Variants in PCDHGA9 observed in about 807,000 individuals in gnomAD.
The protein encoded by PCDHGA9 is protocadherin gamma-A9.
PCDHGA9 carries 37 observed loss-of-function variants against 62.5 expected under a neutral mutation model. The ratio of observed to expected loss-of-function variants is 0.59; its 90% CI spans 0.46 to 0.78. The LOEUF (loss-of-function observed/expected upper bound fraction) is 0.78. Ranked by LOEUF, PCDHGA9 falls within the 30% of genes least tolerant of loss-of-function variation. The probability of loss-of-function intolerance (pLI) is 0.00; values close to 1 mark genes in which losing one functional copy is unlikely to be tolerated. For synonymous variants in PCDHGA9, 459 were observed against 484.6 expected, an observed-to-expected ratio of 0.95 and a Z score of 0.69; for missense variants, 1,138 against 1,166.2, an observed-to-expected ratio of 0.98 and a Z score of 0.35.
rs2099727742 is a variant in PCDHGA9 at position 141,491,740 on chromosome 5, G to C, written c.2425-3067G>C. On this transcript the variant is annotated intron_variant, in intron 1 of 3. Coordinates refer to ENST00000573521, the MANE Select transcript of PCDHGA9 (RefSeq NM_018921.3). The surrounding 1 kb of genome is among the most constrained non-coding windows in gnomAD (Gnocchi z 6.9). Reference sequence around the variant, plus strand: ...GCCGCCCCGGGCGACCCCTGGGGGCGGCACTGGAGAAGCCGCCCGTCCTCA... The same window carrying C: ...GCCGCCCCGGGCGACCCCTGGGGGCCGCACTGGAGAAGCCGCCCGTCCTCA... The C allele has an allele frequency of 6.3e-7, 1 of 1,597,622 alleles. No homozygotes were observed. The highest frequency in any genetic ancestry group is 8.5e-7 in the Non-Finnish European group (1 of 1,173,228).
chr5:141,508,799 C>T (rs962590711), intron 3 of PCDHGA9, among the ~76,000 whole-genome samples: 1 of 152,110 alleles, frequency 6.6e-6, no homozygotes, highest in Non-Finnish European at 1.5e-5. Context: ...ACTCTGGAAT[C>T]CTGGCTCTTT....
chr5:141,478,336 C>T, intron 1 of PCDHGA9: 2 of 1,613,950 alleles, frequency 1.2e-6, no homozygotes, highest in South Asian at 2.2e-5. Context: ...CACCAGGGCC[C>T]TCCTTGCACG....
chr5:141,443,288 C>T (rs2098378643), intron 1 of PCDHGA9, among the ~76,000 whole-genome samples: 1 of 150,180 alleles, frequency 6.7e-6, no homozygotes, highest in Non-Finnish European at 1.5e-5. Context: ...TGAGACCAGC[C>T]TGGACAGCAT....
chr5:141,433,365 A>ATCTG, intron 1 of PCDHGA9: 1 of 523,830 alleles, frequency 1.9e-6, no homozygotes, highest in East Asian at 3.1e-5. Context: ...CTGCCTATCT[A>ATCTG]TCTATCTATC....
chr5:141,415,533 G>A (rs749139053), intron 1 of PCDHGA9: 11 of 1,614,198 alleles, frequency 6.8e-6, no homozygotes, highest in Non-Finnish European at 6.8e-6. Flanking sequence ...TCATCAGCCA[G>A]GAGAGCTGTG....
chr5:141,460,128 T>C (rs10051366), intron 1 of PCDHGA9, among the ~76,000 whole-genome samples: 42,386 of 151,808 alleles, frequency 0.28, 6,635 homozygotes, highest in African/African-American at 0.43. Context: ...ATATGTAATA[T>C]ATATATTCTT....
Position 141,409,459 on chromosome 5 carries a change from T to C in PCDHGA9, c.2424+4083T>C, listed in dbSNP as rs139792503. On this transcript the variant is annotated intron_variant, in intron 1 of 3. Coordinates refer to ENST00000573521, the MANE Select transcript of PCDHGA9 (RefSeq NM_018921.3). ...ACCGAGAGCAGACACCAGAATACAA[T>C]GTCACCATCGTAGCCACTGACAGGG... 4.9e-3 allele frequency: 7,986 copies of C among 1,613,950 alleles called. 44 individuals are homozygous for C. The highest frequency in any genetic ancestry group is 9.4e-3 in the Admixed American group (567 of 60,028).
chr5:141,487,022 A>T lies in PCDHGA9; in HGVS notation c.2425-7785A>T. ...TCAGCTCCTGGAGGCCCCAGATCCC[A>T]GCCTGTTTGCAGTCTCTCGATATGC... On this transcript the variant is annotated intron_variant, in intron 1 of 3. Coordinates refer to ENST00000573521, the MANE Select transcript of PCDHGA9 (RefSeq NM_018921.3). The surrounding 1 kb of genome is among the most constrained non-coding windows in gnomAD (Gnocchi z 5.0). The T allele has an allele frequency of 1.2e-6, 2 of 1,614,212 alleles. No homozygotes were observed. Among genetic ancestry groups the T allele is most frequent in the Non-Finnish European group, 1.7e-6 (2 of 1,180,048 alleles).
chr5:141,477,634 G>C lies in PCDHGA9; in HGVS notation c.2425-17173G>C. 2 of 1,614,176 alleles carry C rather than the reference G, an allele frequency of 1.2e-6. No individual in the cohort carries two copies. Among genetic ancestry groups the C allele is most frequent in the Non-Finnish European group, 1.7e-6 (2 of 1,180,034 alleles). On this transcript the variant is annotated intron_variant, in intron 1 of 3. Transcript: ENST00000573521. This position sits in a 1 kb window ranked among gnomAD's most constrained non-coding sequence, Gnocchi z 4.9. Reference sequence around the variant, plus strand: ...AGCAAGGAGCTGAAACCGGGCTAGTGGGTCGCTATTTCACAATAAATCGTG... The same window carrying C: ...AGCAAGGAGCTGAAACCGGGCTAGTCGGTCGCTATTTCACAATAAATCGTG...
In PCDHGA9 at chr5:141,485,865, C is replaced by T. The variant is rs1214425261; in HGVS notation, c.2425-8942C>T. The stretch of plus-strand genomic sequence containing the variant: ...TCTGGCACCGCAGAGCTCCGGGTAT[C>T]CGTGCTGGACGTAAACGACAACGCC... On this transcript the variant is annotated intron_variant, in intron 1 of 3. Transcript: ENST00000573521. The surrounding 1 kb of genome is among the most constrained non-coding windows in gnomAD (Gnocchi z 5.7). 23 of 1,614,182 alleles carry T rather than the reference C, an allele frequency of 1.4e-5. No homozygotes were observed. Among genetic ancestry groups the T allele is most frequent in the Non-Finnish European group, 1.8e-5 (21 of 1,180,034 alleles).
At chr5:141,427,067 G>A (rs1170378664) in intron 1 of PCDHGA9, 1 of 457,930 alleles carries the variant, frequency 2.2e-6, no homozygotes, top group Non-Finnish European at 4.4e-6. Context: ...CTGTACTAAA[G>A]GTGACAGCCA....
chr5:141,414,185 T>C lies in PCDHGA9; in HGVS notation c.2424+8809T>C, dbSNP rs374044785. ...GGAGCATATCTTGCAACTGCAAAAG[T>C]GTTGATTACAGTAGAAGATGTAAAT... On this transcript the variant is annotated intron_variant, in intron 1 of 3. Transcript: ENST00000573521. The C allele has an allele frequency of 1.2e-5, 19 of 1,609,558 alleles. No homozygotes were observed. The highest frequency in any genetic ancestry group is 1.6e-5 in the Non-Finnish European group (19 of 1,177,778).
chr5:141,499,677 T>C (rs2099793326), intron 2 of PCDHGA9, among the ~76,000 whole-genome samples: 1 of 151,690 alleles, frequency 6.6e-6, no homozygotes, highest in African/African-American at 2.4e-5. Flanking sequence ...CTCCACCATC[T>C]TTAACAGATG....
chr5:141,510,837 GTCAAGGCCCAGGGTGC>G, intron 3 of PCDHGA9, 94 bp from the exon 4 acceptor site: 1 of 1,586,392 alleles, frequency 6.3e-7, no homozygotes, highest in Non-Finnish European at 8.6e-7. Flanking sequence ...GCTCAGCGTG[GTCAAGGCCCAGGGTGC>G]TGTATAGGCA....
intron 1 of PCDHGA9, chr5:141,407,909 G>T: frequency 4.7e-6 from 2 of 425,700 alleles, no homozygotes; most frequent in Non-Finnish European, 8.3e-6. Context: ...TGAAAAACCG[G>T]GCTGCTGTCC....
At position 141,486,190 on chromosome 5, in the gene PCDHGA9, T is replaced by A; in HGVS notation, c.2425-8617T>A. Reference sequence around the variant, plus strand: ...AGCAACATTGCAGCCTTCGAGTGGATCTGCTGGACGTAAATGACAATGCCC... The same window carrying A: ...AGCAACATTGCAGCCTTCGAGTGGAACTGCTGGACGTAAATGACAATGCCC... On this transcript the variant is annotated intron_variant, in intron 1 of 3. Transcript: ENST00000573521. The surrounding 1 kb of genome is among the most constrained non-coding windows in gnomAD (Gnocchi z 5.0). 1 of 1,614,122 alleles carries A rather than the reference T, an allele frequency of 6.2e-7. No individual in the cohort carries two copies. Among genetic ancestry groups the A allele is most frequent in the South Asian group, 1.1e-5 (1 of 91,070 alleles).
intron 1 of PCDHGA9, among the ~76,000 whole-genome samples, chr5:141,461,917 G>A (rs527287831): frequency 6.6e-6 from 1 of 152,098 alleles, no homozygotes; most frequent in South Asian, 2.1e-4. Flanking sequence ...TCTGCCTCCT[G>A]GGTTCCAGCA....
intron 1 of PCDHGA9, chr5:141,433,354 T>C: frequency 1.7e-6 from 1 of 602,322 alleles, no homozygotes; most frequent in Non-Finnish European, 2.9e-6. Flanking sequence ...CCACCTACTG[T>C]CTGCCTATCT....
chr5:141,481,733 C>A (rs2099543522), intron 1 of PCDHGA9, among the ~76,000 whole-genome samples: 1 of 152,078 alleles, frequency 6.6e-6, no homozygotes, highest in Admixed American at 6.6e-5. Context: ...GCGGGCGGAT[C>A]ACGAGGTCAG....
Sources: allele counts gnomAD v4.1 joint callset (sites outside exome capture counted in the v4.1 genomes callset), GRCh38; gene constraint gnomAD v4.1.1; non-coding constraint Gnocchi (gnomAD v3.1); transcripts MANE v1.5; gene names NCBI Gene and HGNC (gene_info 2026-07-23, HGNC 2026-07-21).